The following ARHGAP26 variants were observed in gnomAD, a reference collection of about 807,000 sequenced individuals.
ARHGAP26 encodes the protein rho GTPase-activating protein 26.
In ARHGAP26, 38 loss-of-function variants were observed where a neutral mutation model predicts 104.8. The ratio of observed to expected loss-of-function variants is 0.36; its 90% CI spans 0.28 to 0.48. The LOEUF (loss-of-function observed/expected upper bound fraction) is 0.48. Among genes scored for constraint, ARHGAP26 ranks in the 20% least tolerant of loss-of-function variants. ARHGAP26 has a pLI of 0.99. For missense variants in ARHGAP26, 704 were observed against 947.9 expected (o/e 0.74, Z 3.38); for synonymous variants, 341 against 340.0 (o/e 1.00, Z -0.03).
intron 11 of ARHGAP26, among the ~76,000 whole-genome samples, chr5:143,002,624 G>A (rs1408866571): frequency 1.3e-5 from 2 of 152,154 alleles, no homozygotes; most frequent in African/African-American, 2.4e-5. Context: ...CAGCTTGCAC[G>A]CCATCTACTT....
chr5:142,927,502 TG>T (rs1764081459), intron 10 of ARHGAP26, among the ~76,000 whole-genome samples: 2 of 152,232 alleles, frequency 1.3e-5, no homozygotes, highest in Non-Finnish European at 2.9e-5. Flanking sequence ...TAGCAGTAGT[TG>T]ACTCTTTTTT....
At chr5:142,976,790 C>T (rs1773160432) in intron 11 of ARHGAP26, among the ~76,000 whole-genome samples, 1 of 152,162 alleles carries the variant, frequency 6.6e-6, no homozygotes, top group Non-Finnish European at 1.5e-5. Context: ...AGTATGTGAA[C>T]TAGAGAATTT....
chr5:142,884,909 C>T (rs374833151), intron 4 of ARHGAP26, among the ~76,000 whole-genome samples: 23 of 152,176 alleles, frequency 1.5e-4, no homozygotes, highest in African/African-American at 5.6e-4. Flanking sequence ...GGATATCTTC[C>T]TTCCTTGGTG....
At chr5:142,825,053 C>T (rs1282471823) in intron 1 of ARHGAP26, among the ~76,000 whole-genome samples, 1 of 152,132 alleles carries the variant, frequency 6.6e-6, no homozygotes, top group Non-Finnish European at 1.5e-5. Flanking sequence ...GGACCCCTCC[C>T]CTCTCCTTCA....
At chr5:142,877,762 G>A (rs889358124) in intron 3 of ARHGAP26, among the ~76,000 whole-genome samples, 6 of 152,178 alleles carry the variant, frequency 3.9e-5, no homozygotes, top group African/African-American at 1.4e-4. Flanking sequence ...ACTAAGTCCA[G>A]GGATTCTGAG....
chr5:142,899,810 T>A (rs1760037616), intron 6 of ARHGAP26, among the ~76,000 whole-genome samples: 1 of 151,966 alleles, frequency 6.6e-6, no homozygotes, highest in Non-Finnish European at 1.5e-5. Flanking sequence ...CATAAAAAAA[T>A]GGACAATCAA....
At chr5:142,890,598 A>G (rs1758521374) in intron 5 of ARHGAP26, among the ~76,000 whole-genome samples, 1 of 152,064 alleles carries the variant, frequency 6.6e-6, no homozygotes, top group Admixed American at 6.5e-5. Flanking sequence ...ATTGGGGCAG[A>G]GGGAGAGAAT....
Position 143,088,728 on chromosome 5 carries a change from G to A in ARHGAP26, c.1538+30981G>A, listed in dbSNP as rs1018175057. ...GGAGCAGCGGTGAGCGCACACTTTG[G>A]CAAGGGAGGGGAAGGGGTTTTTATC... On this transcript the variant is annotated intron_variant, in intron 17 of 22. Coordinates refer to ENST00000645722, the MANE Select transcript of ARHGAP26 (RefSeq NM_001135608.3). Among the ~76,000 whole-genome samples, 15 of 152,334 alleles carry A rather than the reference G, an allele frequency of 9.8e-5. No homozygotes were observed. In the East Asian group the frequency reaches 1.9e-3, roughly 20 times the overall value.
At chr5:142,899,690 T>A (rs1424734821) in intron 6 of ARHGAP26, among the ~76,000 whole-genome samples, 1 of 151,894 alleles carries the variant, frequency 6.6e-6, no homozygotes, top group Non-Finnish European at 1.5e-5. Flanking sequence ...CACTTTGTAA[T>A]ACTTCAAAGG....
intron 5 of ARHGAP26, among the ~76,000 whole-genome samples, chr5:142,888,305 T>A (rs1232014942): frequency 1.3e-5 from 2 of 152,230 alleles, no homozygotes; most frequent in African/African-American, 4.8e-5. Flanking sequence ...GGGAGGGATG[T>A]TGAGGCTCTC....
At chr5:143,212,951 C>G (rs1809743602) in intron 21 of ARHGAP26, among the ~76,000 whole-genome samples, 1 of 152,306 alleles carries the variant, frequency 6.6e-6, no homozygotes, top group South Asian at 2.1e-4. Flanking sequence ...TGAGACCATC[C>G]TGGCTAACAC....
chr5:143,010,279 G>A (rs1053705272), intron 11 of ARHGAP26, among the ~76,000 whole-genome samples: 3 of 152,174 alleles, frequency 2.0e-5, no homozygotes, highest in African/African-American at 4.8e-5. Context: ...TCCTTTTAGA[G>A]GCAAGATAGA....
chr5:143,226,570 A>G lies in ARHGAP26; in HGVS notation c.*4124A>G. On this transcript the variant is annotated 3_prime_UTR_variant, in exon 23 of 23. Coordinates refer to ENST00000645722, the MANE Select transcript of ARHGAP26 (RefSeq NM_001135608.3). ...CTGCCCCCAGGCAAGTAAAACCCTG[A>G]CTTGCTCAAGACAGAAGATCTTTTC... The G allele has an allele frequency of 4.9e-6, 1 of 204,968 alleles. No homozygotes were observed. Among genetic ancestry groups the G allele is most frequent in the East Asian group, 7.4e-5 (1 of 13,480 alleles). The allele number at this position is 204,968 out of a possible 1,614,324, so 12.7% of individuals were successfully genotyped here.
intron 10 of ARHGAP26, among the ~76,000 whole-genome samples, chr5:142,929,349 T>C (rs533577009): frequency 6.1e-4 from 93 of 152,268 alleles, no homozygotes; most frequent in Middle Eastern, 3.4e-3. Flanking sequence ...TAAGAGAAGG[T>C]CTCAAAGTAT....
chr5:143,112,256 A>C (rs1461038814), intron 17 of ARHGAP26, among the ~76,000 whole-genome samples: 2 of 152,190 alleles, frequency 1.3e-5, no homozygotes, highest in Non-Finnish European at 2.9e-5. Flanking sequence ...AGTGGCAAGG[A>C]GGACAGAGCC....
Position 143,167,482 on chromosome 5 carries a change from C to CAAAAAAAAAAAAAAAA in ARHGAP26, c.1988+20122_1988+20137dup, listed in dbSNP as rs6149274. Among the ~76,000 whole-genome samples the CAAAAAAAAAAAAAAAA allele has an allele frequency of 4.0e-4, 24 of 60,088 alleles. 2 individuals are homozygous for CAAAAAAAAAAAAAAAA. The highest frequency in any genetic ancestry group is 1.9e-3 in the African/African-American group (23 of 11,958). 39.4% of individuals were successfully genotyped at this position (60,088 alleles called of 152,430 possible). On this transcript the variant is annotated intron_variant, in intron 20 of 22. Transcript: ENST00000645722. ...TGCATGACAGAGCAAGACTCCATCT[C>CAAAAAAAAAAAAAAAA]AAAAAAAAAAAAAAAAAAAAAAAAA...
At chr5:143,125,783 T>C (rs1401057771) in intron 18 of ARHGAP26, among the ~76,000 whole-genome samples, 1 of 152,158 alleles carries the variant, frequency 6.6e-6, no homozygotes, top group African/African-American at 2.4e-5. Context: ...TTACAAGATA[T>C]TGTGCTAAGC....
chr5:143,016,295 C>T (rs1779577276), intron 12 of ARHGAP26, among the ~76,000 whole-genome samples: 1 of 152,164 alleles, frequency 6.6e-6, no homozygotes, highest in Non-Finnish European at 1.5e-5. Flanking sequence ...TGACATTTTG[C>T]TTTTTGCACC....
At chr5:143,042,612 A>T (rs1783636196) in intron 14 of ARHGAP26, among the ~76,000 whole-genome samples, 1 of 152,252 alleles carries the variant, frequency 6.6e-6, no homozygotes, top group Admixed American at 6.5e-5. Context: ...ATCAGGTTTC[A>T]CAGAGGCTGT....
Sources: allele counts gnomAD v4.1 joint callset (sites outside exome capture counted in the v4.1 genomes callset), GRCh38; gene constraint gnomAD v4.1.1; transcripts MANE v1.5; gene names NCBI Gene and HGNC (gene_info 2026-07-23, HGNC 2026-07-21).